ECE1: variants seen among roughly 807,000 people sequenced by gnomAD.
ECE1 encodes the protein endothelin converting enzyme 1, also known as endothelin-converting enzyme 1.
Under a neutral mutation model 98.6 loss-of-function variants are expected in ECE1, and 35 were observed. The ratio of observed to expected loss-of-function variants is 0.35; its 90% confidence interval spans 0.27 to 0.47. The LOEUF (loss-of-function observed/expected upper bound fraction) is 0.47. ECE1 is among the 20% of genes least tolerant of loss of function. The pLI is 1.00. For synonymous variants in ECE1, 394 were observed against 407.1 expected, an observed-to-expected ratio of 0.97 and a Z score of 0.39; for missense variants, 814 against 1,025.3, an observed-to-expected ratio of 0.79 and a Z score of 2.81.
At chr1:21,251,797 C>T (rs1369424637) in intron 8 of ECE1, among the ~76,000 whole-genome samples, 3 of 152,192 alleles carry the variant, frequency 2.0e-5, no homozygotes, top group Non-Finnish European at 4.4e-5. Context: ...AAGGGGAAAA[C>T]AGCCTCCCCT....
At chr1:21,278,464 G>A (rs1014737298) in intron 3 of ECE1, among the ~76,000 whole-genome samples, 4 of 152,230 alleles carry the variant, frequency 2.6e-5, no homozygotes, top group Non-Finnish European at 4.4e-5. Flanking sequence ...GGTGTAATGC[G>A]CTCTGGAGCG....
chr1:21,223,590 C>T (rs1001099199), intron 17 of ECE1, among the ~76,000 whole-genome samples: 1 of 152,170 alleles, frequency 6.6e-6, no homozygotes, highest in African/African-American at 2.4e-5. Context: ...CTCGGCCTCC[C>T]GAGTAGCTGG....
Position 21,225,250 on chromosome 1 carries a change from C to T in ECE1, c.2040G>A (p.Arg680=). Residue 680 remains arginine, a splice_region_variant and synonymous_variant, in exon 17 of 19, where the codon CGG becomes CGA. Transcript: ENST00000374893. This position sits in a 1 kb window ranked among gnomAD's most constrained non-coding sequence, Gnocchi z 5.3. The stretch of plus-strand genomic sequence containing the variant: ...CGCGTGTGGGGAGCGGGGCTCTCAC[C>T]CGATAGGCCGCCTTGAGACCCCCGT... ...ADNGGLKAAY[R]AYQNWVKKNG... 6.2e-7 allele frequency: 1 copy of T among 1,614,010 alleles called. No homozygotes were observed. The highest frequency in any genetic ancestry group is 8.5e-7 in the Non-Finnish European group (1 of 1,180,012).
Position 21,345,222 on chromosome 1 carries a change from T to A in ECE1, c.3+154A>T. 5 of 1,054,248 alleles carry A rather than the reference T, an allele frequency of 4.7e-6. No individual in the cohort carries two copies. The highest frequency in any genetic ancestry group is 5.9e-6 in the Non-Finnish European group (5 of 850,160). The allele number at this position is 1,054,248 out of a possible 1,614,324, so 65.3% of individuals were successfully genotyped here. ...GCGCTCTGCCCGGGCGCTCCCCGAC[T>A]CCACGCCTTCCGAGAGCCGGGCGGG... On this transcript the variant is annotated intron_variant, in intron 1 of 18. Transcript: ENST00000415912. This position sits in a 1 kb window ranked among gnomAD's most constrained non-coding sequence, Gnocchi z 5.1.
intron 1 of ECE1, among the ~76,000 whole-genome samples, chr1:21,324,396 C>A (rs1639031198): frequency 6.6e-6 from 1 of 152,226 alleles, no homozygotes; most frequent in Non-Finnish European, 1.5e-5. Context: ...CTGACAGGGA[C>A]ACTCCACCCA....
At chr1:21,343,391 G>A (rs1639439932) in intron 1 of ECE1, among the ~76,000 whole-genome samples, 1 of 152,202 alleles carries the variant, frequency 6.6e-6, no homozygotes, top group Non-Finnish European at 1.5e-5. Flanking sequence ...CCAGCAAATA[G>A]GTGGCCTCTG....
Position 21,272,814 on chromosome 1 carries a change from G to C in ECE1, c.378C>G (p.Phe126Leu). 1.2e-6 allele frequency: 2 copies of C among 1,614,286 alleles called. No homozygotes were observed. The highest frequency in any genetic ancestry group is 1.7e-6 in the Non-Finnish European group (2 of 1,180,048). The change falls in exon 4 of 19, where the codon TTC (phenylalanine) becomes TTG (leucine). Residue 126 changes from phenylalanine (F) to leucine (L), a missense_variant. By Grantham distance (22) the Phe-to-Leu change is conservative. Around this residue, in one of 3 missense-constraint regions of ECE1, gnomAD observed 257 missense variants for 278.9 expected, o/e 0.92. Transcript: ENST00000374893. The stretch of plus-strand genomic sequence containing the variant: ...TGATCCAGCCCCCACAGGCGTAGCT[G>C]AAGAAGTCATGGCAGGGGTCCACTG... ...DPTVDPCHDFFSYACGGWIKA... is the reference protein window; with the variant it reads ...DPTVDPCHDFLSYACGGWIKA...
intron 12 of ECE1, among the ~76,000 whole-genome samples, chr1:21,236,517 C>A (rs565171114): frequency 4.6e-5 from 7 of 152,204 alleles, no homozygotes; most frequent in African/African-American, 1.7e-4. Context: ...AGCGTGGTGG[C>A]GCACGCCTGT....
intron 1 of ECE1, among the ~76,000 whole-genome samples, chr1:21,306,951 C>A (rs3026844): frequency 1.7e-3 from 263 of 152,290 alleles, no homozygotes; most frequent in Admixed American, 2.6e-3. Context: ...GGACTAGAAG[C>A]CAGGCTTTTA....
intron 1 of ECE1, among the ~76,000 whole-genome samples, chr1:21,337,448 T>C (rs1200846755): frequency 1.3e-5 from 2 of 152,228 alleles, no homozygotes; most frequent in African/African-American, 4.8e-5. Context: ...ACTGTGGGAA[T>C]GGTTCACACT....
At chr1:21,256,252 A>G in intron 7 of ECE1, 114 bp from the exon 8 acceptor site, 7 of 1,226,214 alleles carry the variant, frequency 5.7e-6, no homozygotes, top group Non-Finnish European at 6.7e-6. Context: ...GGGGCTGCAC[A>G]GTGCCCCCAA....
chr1:21,290,711 C>G (rs1264775333), upstream of ECE1, among the ~76,000 whole-genome samples: 1 of 152,206 alleles, frequency 6.6e-6, no homozygotes, highest in Non-Finnish European at 1.5e-5. This position sits in a 1 kb window ranked among gnomAD's most constrained non-coding sequence, Gnocchi z 7.3. Context: ...AACCGGGTCC[C>G]CAGTGGCAGA....
intron 14 of ECE1, among the ~76,000 whole-genome samples, chr1:21,231,403 G>C (rs2098181569): frequency 6.7e-6 from 1 of 149,860 alleles, no homozygotes; most frequent in African/African-American, 2.5e-5. Flanking sequence ...GTGCAGTGGT[G>C]CAATCTCTGT....
rs534805741 is a variant in ECE1 at position 21,319,211 on chromosome 1, G to T, written c.3+26165C>A. On this transcript the variant is annotated intron_variant, in intron 1 of 18. Coordinates refer to the ECE1 transcript ENST00000415912. This position sits in a 1 kb window ranked among gnomAD's most constrained non-coding sequence, Gnocchi z 4.4. ...ATACAAAAAAGTAGCCAGGCGTGGT[G>T]GTGTGCGTCTATAATCCCAGCTACT... is the stretch of plus-strand genomic sequence containing the variant. 1.9e-4 allele frequency among the ~76,000 whole-genome samples: 29 copies of T among 152,238 alleles called. No homozygotes were observed. Among genetic ancestry groups the T allele is most frequent in the African/African-American group, 7.0e-4 (29 of 41,542 alleles).
chr1:21,325,695 A>G (rs959510731), intron 1 of ECE1, among the ~76,000 whole-genome samples: 2 of 152,250 alleles, frequency 1.3e-5, no homozygotes, highest in African/African-American at 2.4e-5. Context: ...TGACTGAGGT[A>G]TGAATTGAGT....
upstream of ECE1, among the ~76,000 whole-genome samples, chr1:21,291,810 G>A (rs2098266829): frequency 1.3e-5 from 2 of 152,014 alleles, no homozygotes; most frequent in Non-Finnish European, 1.5e-5. Context: ...CTGGGTGACA[G>A]AGTGAGACTC....
chr1:21,284,573 C>T (rs2098258487), intron 2 of ECE1, among the ~76,000 whole-genome samples: 1 of 152,208 alleles, frequency 6.6e-6, no homozygotes, highest in Admixed American at 6.5e-5. Context: ...CGCTATCCAG[C>T]CAGGAGTTCC....
chr1:21,341,441 C>T (rs1438529694), intron 1 of ECE1, among the ~76,000 whole-genome samples: 1 of 152,256 alleles, frequency 6.6e-6, no homozygotes, highest in Admixed American at 6.5e-5. Flanking sequence ...TGGTTCCTCT[C>T]TCACCGTAGA....
intron 14 of ECE1, among the ~76,000 whole-genome samples, chr1:21,232,703 G>A: frequency 7.0e-6 from 1 of 143,000 alleles, no homozygotes. Context: ...ATGGAGTCTT[G>A]CTCTGTCACC....
Sources: gnomAD v4.1 joint callset for allele counts (sites outside exome capture counted in the v4.1 genomes callset) on GRCh38, gnomAD v4.1.1 for gene constraint, gnomAD v4.1.1 regional missense constraint, Gnocchi (gnomAD v3.1) non-coding constraint, MANE v1.5 for transcripts, NCBI Gene and HGNC (gene_info 2026-07-23, HGNC 2026-07-21) for gene names.